SPATA16: variants seen among roughly 807,000 people sequenced by gnomAD.
The protein encoded by SPATA16 is spermatogenesis-associated protein 16.
In SPATA16, 36 loss-of-function variants were observed where a neutral mutation model predicts 63.3. That is an observed-to-expected ratio of 0.57 (90% confidence interval 0.44 to 0.75). The LOEUF (loss-of-function observed/expected upper bound fraction) is 0.75, where lower values mean the gene tolerates loss of function less well. SPATA16 is among the 30% of genes least tolerant of loss of function. SPATA16 has a pLI of 0.00. For missense variants in SPATA16, 646 were observed against 679.3 expected, an observed-to-expected ratio of 0.95 and a Z score of 0.54; for synonymous variants, 203 against 216.7, an observed-to-expected ratio of 0.94 and a Z score of 0.56.
intron 10 of SPATA16, among the ~76,000 whole-genome samples, chr3:172,890,395 A>G (rs192240089): frequency 1.3e-4 from 20 of 152,318 alleles, no homozygotes; most frequent in African/African-American, 3.8e-4. Flanking sequence ...ACATATGCTG[A>G]ATTGATTTCT....
At chr3:172,993,353 A>G (rs1481404733) in intron 4 of SPATA16, among the ~76,000 whole-genome samples, 2 of 152,176 alleles carry the variant, frequency 1.3e-5, no homozygotes, top group East Asian at 3.8e-4. Context: ...TTTTTAAAAT[A>G]TGAGAAAGAT....
intron 2 of SPATA16, among the ~76,000 whole-genome samples, chr3:173,086,066 G>C (rs34537923): frequency 6.6e-6 from 1 of 151,900 alleles, no homozygotes; most frequent in African/African-American, 2.4e-5. Context: ...AGTTAGGAAG[G>C]AGTCCCTCCT....
At chr3:173,048,925 G>A in intron 3 of SPATA16, 24 bp downstream of exon 3, 1 of 1,613,030 alleles carries the variant, frequency 6.2e-7, no homozygotes, top group Non-Finnish European at 8.5e-7. Context: ...GCATTTACTT[G>A]CACTTATTAG....
intron 4 of SPATA16, among the ~76,000 whole-genome samples, chr3:173,017,354 T>A (rs369750470): frequency 6.6e-6 from 1 of 152,232 alleles, no homozygotes; most frequent in African/African-American, 2.4e-5. Flanking sequence ...TCAGTATACA[T>A]GACAAGGGCA....
intron 1 of SPATA16, among the ~76,000 whole-genome samples, chr3:173,133,291 GA>G (rs1431897289): frequency 7.9e-5 from 12 of 152,314 alleles, no homozygotes; most frequent in Middle Eastern, 6.8e-3. Flanking sequence ...CTGCAAAGCT[GA>G]AAGGGGAAGA....
intron 4 of SPATA16, among the ~76,000 whole-genome samples, chr3:172,985,143 C>T (rs905545400): frequency 2.0e-5 from 3 of 152,148 alleles, no homozygotes; most frequent in African/African-American, 7.2e-5. Context: ...TCCCTTATCC[C>T]CCATGCATGC....
chr3:173,125,378 A>T (rs1738199734), intron 1 of SPATA16, among the ~76,000 whole-genome samples: 1 of 152,156 alleles, frequency 6.6e-6, no homozygotes, highest in Admixed American at 6.5e-5. Flanking sequence ...TCTAAATGAA[A>T]ATCAGATCCC....
chr3:173,064,292 A>C (rs192297141), intron 2 of SPATA16, among the ~76,000 whole-genome samples: 3 of 142,348 alleles, frequency 2.1e-5, no homozygotes, highest in East Asian at 4.2e-4. Context: ...TGAGCAACAG[A>C]GCGAAACTCC....
intron 2 of SPATA16, among the ~76,000 whole-genome samples, chr3:173,053,120 C>G (rs1736140108): frequency 6.6e-6 from 1 of 152,276 alleles, no homozygotes; most frequent in Admixed American, 6.5e-5. Flanking sequence ...CTTTCAGAGA[C>G]CGAGGCAGGC....
chr3:172,912,137 C>A (rs1732382644), intron 10 of SPATA16, among the ~76,000 whole-genome samples: 1 of 152,148 alleles, frequency 6.6e-6, no homozygotes, highest in Non-Finnish European at 1.5e-5. Flanking sequence ...GAAGTGGTCC[C>A]TCTGTTTAGA....
chr3:172,970,258 A>G (rs1337605951), intron 5 of SPATA16, among the ~76,000 whole-genome samples: 1 of 152,058 alleles, frequency 6.6e-6, no homozygotes, highest in Admixed American at 6.6e-5. Flanking sequence ...ACAGATGTCC[A>G]TTGTCTTCGA....
At chr3:173,044,931 A>G (rs996936663) in intron 3 of SPATA16, among the ~76,000 whole-genome samples, 4 of 152,098 alleles carry the variant, frequency 2.6e-5, no homozygotes, top group African/African-American at 7.2e-5. Flanking sequence ...CTATTATAGT[A>G]TGATCTTTCT....
Position 172,924,298 on chromosome 3 carries a change from A to C in SPATA16, c.1248T>G (p.Gly416=). 1 of 1,613,122 alleles carries C rather than the reference A, an allele frequency of 6.2e-7. No individual in the cohort carries two copies. Among genetic ancestry groups the C allele is most frequent in the Non-Finnish European group, 8.5e-7 (1 of 1,179,542 alleles). Residue 416 remains glycine (G), a synonymous_variant, in exon 8 of 11, where the codon GGT becomes GGG. Transcript: ENST00000351008. ...PIFTEHKTPF[G]LTREDTVRQM... is the part of the protein sequence containing the mutation. ...GCCTCACTGTATCTTCTCTGGTCAG[A>C]CCGAAAGGTGTTTTATGCTCTAAAA...
At chr3:173,023,301 C>T (rs1211033050) in intron 3 of SPATA16, among the ~76,000 whole-genome samples, 1 of 151,848 alleles carries the variant, frequency 6.6e-6, no homozygotes, top group Non-Finnish European at 1.5e-5. Flanking sequence ...TGATATGCCA[C>T]GTTTATTATA....
At chr3:172,996,846 A>G (rs539260934) in intron 4 of SPATA16, among the ~76,000 whole-genome samples, 3 of 152,208 alleles carry the variant, frequency 2.0e-5, no homozygotes, top group Non-Finnish European at 2.9e-5. Flanking sequence ...ATCTTTTTAC[A>G]TATTTTGCCT....
chr3:173,098,837 A>C (rs1034689348), intron 2 of SPATA16, among the ~76,000 whole-genome samples: 1 of 152,200 alleles, frequency 6.6e-6, no homozygotes, highest in African/African-American at 2.4e-5. Context: ...AAAGCCGCCC[A>C]TATGATCACT....
At chr3:173,077,404 C>T (rs567596029) in intron 2 of SPATA16, among the ~76,000 whole-genome samples, 1 of 152,172 alleles carries the variant, frequency 6.6e-6, no homozygotes, top group African/African-American at 2.4e-5. Flanking sequence ...ATCGGAATTC[C>T]TGAAAGGGAA....
At chr3:172,893,223 G>C (rs75863469) in intron 10 of SPATA16, among the ~76,000 whole-genome samples, 6 of 152,024 alleles carry the variant, frequency 3.9e-5, no homozygotes, top group African/African-American at 1.5e-4. Context: ...GGGTATTTAC[G>C]TAGCTAATCA....
intron 2 of SPATA16, among the ~76,000 whole-genome samples, chr3:173,076,227 ATTTTC>A (rs1450460968): frequency 6.6e-6 from 1 of 152,004 alleles, no homozygotes; most frequent in African/African-American, 2.4e-5. Flanking sequence ...ATCTTTTAAA[ATTTTC>A]TTTTTAAGTA....
Sources: allele counts gnomAD v4.1 joint callset (sites outside exome capture counted in the v4.1 genomes callset), GRCh38; gene constraint gnomAD v4.1.1; transcripts MANE v1.5; gene names NCBI Gene and HGNC (gene_info 2026-07-23, HGNC 2026-07-21).